The following DNAAF11 variants were observed in gnomAD, a reference collection of about 807,000 sequenced individuals.
The protein encoded by DNAAF11 is dynein axonemal assembly factor 11, also known as leucine rich repeat containing 6.
DNAAF11 carries 45 observed loss-of-function variants against 60.8 expected under a neutral mutation model. The ratio of observed to expected loss-of-function variants is 0.74; its 90% CI spans 0.58 to 0.95. DNAAF11 has a LOEUF of 0.95. Ranked by LOEUF, DNAAF11 falls within the 40% of genes least tolerant of loss-of-function variation. DNAAF11 has a pLI of 0.00. For missense variants in DNAAF11, 546 were observed against 546.2 expected, an observed-to-expected ratio of 1.00 and a Z score of 0.00; for synonymous variants, 191 against 183.5, an observed-to-expected ratio of 1.04 and a Z score of -0.33.
At chr8:132,652,300 A>G (rs933674842) in intron 3 of DNAAF11, among the ~76,000 whole-genome samples, 2 of 152,214 alleles carry the variant, frequency 1.3e-5, no homozygotes, top group Non-Finnish European at 2.9e-5. Flanking sequence ...TAAGTCACAC[A>G]AGCCACCTAA....
At chr8:132,683,603 C>G in the DNAAF11 span, among the ~76,000 whole-genome samples, 937 of 152,312 alleles carry the variant, frequency 6.2e-3, 15 homozygotes, top group African/African-American at 0.022. Flanking sequence ...GTGAAGGCAG[C>G]TGTTGTTTCT....
intron 2 of DNAAF11, among the ~76,000 whole-genome samples, chr8:132,659,825 G>A (rs1823953266): frequency 6.6e-6 from 1 of 151,950 alleles, no homozygotes; most frequent in Admixed American, 6.6e-5. Flanking sequence ...ATTCTTTCTT[G>A]CGGGGGGTGG....
chr8:132,676,452 A>G (rs999154960), upstream of DNAAF11, among the ~76,000 whole-genome samples: 30 of 152,370 alleles, frequency 2.0e-4, no homozygotes, highest in African/African-American at 6.0e-4. Flanking sequence ...GGGGGGCAAT[A>G]TGTAAAAGGT....
At chr8:132,579,299 A>C (rs940259140) in intron 11 of DNAAF11, among the ~76,000 whole-genome samples, 10 of 152,138 alleles carry the variant, frequency 6.6e-5, no homozygotes, top group Admixed American at 2.0e-4. Flanking sequence ...CCCCATACAC[A>C]ACAGGCTACA....
chr8:132,632,477 C>A (rs1044491648), intron 5 of DNAAF11, among the ~76,000 whole-genome samples: 4 of 152,166 alleles, frequency 2.6e-5, no homozygotes, highest in Non-Finnish European at 1.5e-5. Context: ...TTTCTGTACA[C>A]ATTTTACGGA....
At chr8:132,637,436 T>G (rs1821413974) in intron 4 of DNAAF11, among the ~76,000 whole-genome samples, 2 of 152,092 alleles carry the variant, frequency 1.3e-5, no homozygotes, top group African/African-American at 4.8e-5. Flanking sequence ...TGAAACCACA[T>G]CTCTACTAAA....
At chr8:132,692,025 A>G in the DNAAF11 span, among the ~76,000 whole-genome samples, 2 of 152,184 alleles carry the variant, frequency 1.3e-5, no homozygotes, top group African/African-American at 4.8e-5. Context: ...GTGATGTAAT[A>G]TAATTTACTT....
intron 2 of DNAAF11, among the ~76,000 whole-genome samples, chr8:132,659,827 G>C (rs1442135045): frequency 6.6e-6 from 1 of 151,944 alleles, no homozygotes; most frequent in Non-Finnish European, 1.5e-5. Context: ...TCTTTCTTGC[G>C]GGGGGTGGGG....
chr8:132,675,514 AC>A lies in DNAAF11; in HGVS notation c.-22del. ...CCCATGGCGCCTCTCCAGTTCGCTG[AC>A]CCCGCAAGCCGGACCCGGACCTCGA... On this transcript the variant is annotated 5_prime_UTR_variant, in exon 1 of 12. Transcript: ENST00000620350. The A allele has an allele frequency of 1.3e-6, 2 of 1,554,840 alleles. No individual in the cohort carries two copies. Among genetic ancestry groups the A allele is most frequent in the Non-Finnish European group, 8.7e-7 (1 of 1,145,748 alleles).
At chr8:132,580,535 T>C (rs1815214841) in intron 11 of DNAAF11, among the ~76,000 whole-genome samples, 1 of 152,200 alleles carries the variant, frequency 6.6e-6, no homozygotes, top group Non-Finnish European at 1.5e-5. Flanking sequence ...AATGGTCAAT[T>C]TGAGGTAATG....
chr8:132,625,172 C>G, intron 6 of DNAAF11, 100 bp downstream of exon 6: 3 of 866,712 alleles, frequency 3.5e-6, no homozygotes, highest in Non-Finnish European at 5.1e-6. Flanking sequence ...TATACAAGTG[C>G]TAAAGGTTTA....
chr8:132,610,106 C>T (rs1818503549), intron 10 of DNAAF11, 60 bp downstream of exon 10: 3 of 1,212,876 alleles, frequency 2.5e-6, no homozygotes, highest in Middle Eastern at 1.9e-4. Flanking sequence ...CCTGACAGGT[C>T]AAGTTCCTTC....
At chr8:132,647,028 C>T (rs971057962) in intron 3 of DNAAF11, among the ~76,000 whole-genome samples, 2 of 152,212 alleles carry the variant, frequency 1.3e-5, no homozygotes, top group Admixed American at 6.5e-5. Flanking sequence ...CACCCCAAAT[C>T]GACAGAATAT....
chr8:132,686,074 T>C, the DNAAF11 span, among the ~76,000 whole-genome samples: 3 of 152,244 alleles, frequency 2.0e-5, no homozygotes, highest in South Asian at 2.1e-4. Flanking sequence ...GATGATGATA[T>C]GGGCTATGAA....
chr8:132,608,732 A>G (rs1818354634), intron 10 of DNAAF11, among the ~76,000 whole-genome samples: 2 of 152,182 alleles, frequency 1.3e-5, no homozygotes, highest in South Asian at 4.1e-4. Context: ...TATATCTTAG[A>G]TTTCCCTATA....
At chr8:132,696,334 C>T in the DNAAF11 span, among the ~76,000 whole-genome samples, 35 of 152,128 alleles carry the variant, frequency 2.3e-4, no homozygotes, top group African/African-American at 7.7e-4. Flanking sequence ...AACAATCACA[C>T]GCTGTGGCTG....
At chr8:132,656,520 G>A (rs910514127) in intron 3 of DNAAF11, among the ~76,000 whole-genome samples, 1 of 152,160 alleles carries the variant, frequency 6.6e-6, no homozygotes, top group African/African-American at 2.4e-5. Context: ...TGCTCAGGCT[G>A]GAGTGCAATG....
intron 10 of DNAAF11, among the ~76,000 whole-genome samples, chr8:132,593,349 A>ATG (rs1816670422): frequency 1.4e-5 from 2 of 144,164 alleles, no homozygotes; most frequent in Non-Finnish European, 3.0e-5. Flanking sequence ...ATATATATAT[A>ATG]TATATATATA....
intron 3 of DNAAF11, among the ~76,000 whole-genome samples, chr8:132,653,445 A>C (rs1823229528): frequency 6.6e-6 from 1 of 152,182 alleles, no homozygotes; most frequent in Non-Finnish European, 1.5e-5. Context: ...AATGCATTTG[A>C]TAAAATAGGA....
Sources: gnomAD v4.1 joint callset for allele counts (sites outside exome capture counted in the v4.1 genomes callset) on GRCh38, gnomAD v4.1.1 for gene constraint, MANE v1.5 for transcripts, NCBI Gene and HGNC (gene_info 2026-07-23, HGNC 2026-07-21) for gene names.